ITGB3BP: variants seen among roughly 807,000 people sequenced by gnomAD.
The protein encoded by ITGB3BP is centromere protein R.
In ITGB3BP, 27 loss-of-function variants were observed where a neutral mutation model predicts 29.1. The ratio of observed to expected loss-of-function variants is 0.93; its 90% CI spans 0.68 to 1.28. The LOEUF is 1.28. ITGB3BP is among the 50% of genes most tolerant of loss of function. The pLI is 0.00. For synonymous variants in ITGB3BP, 61 were observed against 61.4 expected, an observed-to-expected ratio of 0.99 and a Z score of 0.03; for missense variants, 192 against 200.2, an observed-to-expected ratio of 0.96 and a Z score of 0.25.
At chr1:63,514,757 T>G (rs111962301) in intron 1 of ITGB3BP, among the ~76,000 whole-genome samples, 2,738 of 152,016 alleles carry the variant, frequency 0.018, 76 homozygotes, top group African/African-American at 0.063. Context: ...ACCATCCTGG[T>G]CAACATGGTA....
At chr1:63,470,350 T>C (rs937798799) in intron 4 of ITGB3BP, among the ~76,000 whole-genome samples, 1 of 152,142 alleles carries the variant, frequency 6.6e-6, no homozygotes, top group African/African-American at 2.4e-5. Flanking sequence ...AGTATAGAAA[T>C]AAAAGAAGAG....
intron 4 of ITGB3BP, among the ~76,000 whole-genome samples, chr1:63,464,756 T>C (rs762540154): frequency 1.3e-5 from 2 of 152,178 alleles, no homozygotes; most frequent in Non-Finnish European, 2.9e-5. Context: ...AATTCATCAA[T>C]AATAGGACAA....
rs192683496 is a variant in ITGB3BP at position 63,508,457 on chromosome 1, C to T, written c.48+71G>A. ...TTATCAAGATAATTTTAATATTTAA[C>T]GAGATAAATCAGTAGTTAAAAACTG... On this transcript the variant is annotated intron_variant, in intron 2 of 8. Transcript: ENST00000271002. 56 of 675,704 alleles carry T rather than the reference C, an allele frequency of 8.3e-5. 1 individual carries two copies. Among genetic ancestry groups the T allele is most frequent in the Middle Eastern group, 4.9e-4 (2 of 4,072 alleles). 41.9% of individuals were successfully genotyped at this position (675,704 alleles called of 1,614,324 possible). A position where few individuals can be genotyped will look rare whatever the true frequency, so the allele number is the denominator to read the frequency against.
intron 2 of ITGB3BP, among the ~76,000 whole-genome samples, chr1:63,528,865 T>G (rs1646643941): frequency 6.6e-6 from 1 of 152,186 alleles, no homozygotes. Context: ...TCCTTGATTC[T>G]TTGAACATTG....
chr1:63,490,284 AC>A, intron 2 of ITGB3BP, 66 bp from the exon 3 acceptor site: 1 of 1,183,718 alleles, frequency 8.4e-7, no homozygotes, highest in Non-Finnish European at 1.2e-6. Context: ...GAAATTATAT[AC>A]CATTAAAAAA....
chr1:63,446,938 G>A lies in ITGB3BP; in HGVS notation c.485-82C>T, dbSNP rs953716576. The stretch of plus-strand genomic sequence containing the variant: ...CAGTATATGATGCAGAATAAATGTT[G>A]AAGCAAAATGAAATTAAAACAACCT... On this transcript the variant is annotated intron_variant, in intron 7 of 8. Transcript: ENST00000271002. 6.1e-6 allele frequency: 6 copies of A among 989,112 alleles called. No individual in the cohort carries two copies. In the African/African-American group the frequency reaches 6.6e-5, roughly 11 times the overall value. 61.3% of individuals were successfully genotyped at this position (989,112 alleles called of 1,614,324 possible). A position where few individuals can be genotyped will look rare whatever the true frequency, so the allele number is the denominator to read the frequency against.
intron 1 of ITGB3BP, chr1:63,510,162 C>G (rs2100781414): frequency 1.8e-6 from 1 of 546,314 alleles, no homozygotes; most frequent in Admixed American, 2.9e-5. Context: ...TGCACTCTAG[C>G]CTGGGCAACG....
intron 1 of ITGB3BP, among the ~76,000 whole-genome samples, chr1:63,518,241 T>C (rs11208234): frequency 0.34 from 51,473 of 152,090 alleles, 8,950 homozygotes; most frequent in East Asian, 0.48. Context: ...TCTGTACAAT[T>C]AACCAATGAA....
At chr1:63,496,895 C>G (rs1645800701) in intron 2 of ITGB3BP, among the ~76,000 whole-genome samples, 1 of 152,176 alleles carries the variant, frequency 6.6e-6, no homozygotes. Flanking sequence ...TAGAGAGGAA[C>G]AAGGTTAGAT....
rs116477579 is a variant in ITGB3BP at position 63,521,792 on chromosome 1, A to G, written c.5+1337T>C. Among the ~76,000 whole-genome samples the G allele has an allele frequency of 4.9e-3, 748 of 152,298 alleles. 8 individuals are homozygous for G. Among genetic ancestry groups the G allele is most frequent in the African/African-American group, 0.017 (707 of 41,560 alleles). ...GCCAGACTCTGCCTCAAAAAAAGAA[A>G]AAAAAAGTTCCACTTTTCATAGTTT... On this transcript the variant is annotated intron_variant, in intron 1 of 8. Coordinates refer to ENST00000271002, the MANE Select transcript of ITGB3BP (RefSeq NM_014288.5).
At chr1:63,484,552 T>C (rs1408391991) in intron 3 of ITGB3BP, among the ~76,000 whole-genome samples, 1 of 152,176 alleles carries the variant, frequency 6.6e-6, no homozygotes, top group African/African-American at 2.4e-5. Flanking sequence ...GTTAAAATTT[T>C]TGGAGGGCTG....
At chr1:63,514,463 T>C (rs1646266806) in intron 1 of ITGB3BP, among the ~76,000 whole-genome samples, 1 of 152,194 alleles carries the variant, frequency 6.6e-6, no homozygotes, top group Non-Finnish European at 1.5e-5. Context: ...TGCCAAAATG[T>C]CTAGCAACAT....
chr1:63,501,449 G>C (rs950817236), intron 2 of ITGB3BP, among the ~76,000 whole-genome samples: 1 of 152,158 alleles, frequency 6.6e-6, no homozygotes, highest in East Asian at 1.9e-4. Flanking sequence ...GGTTTCCAGG[G>C]GGAGGGGGAG....
upstream of ITGB3BP, chr1:63,525,518 T>C (rs189267421): frequency 1.9e-5 from 25 of 1,342,058 alleles, no homozygotes; most frequent in Admixed American, 2.0e-4. Flanking sequence ...ATGGTGACAT[T>C]TGTGTTTTAG....
chr1:63,484,047 C>T (rs918048213), intron 3 of ITGB3BP, among the ~76,000 whole-genome samples: 1 of 152,036 alleles, frequency 6.6e-6, no homozygotes, highest in Non-Finnish European at 1.5e-5. Context: ...ACAGTTGGCC[C>T]TCTGTATTAG....
intron 3 of ITGB3BP, among the ~76,000 whole-genome samples, chr1:63,487,988 T>C (rs938321519): frequency 3.3e-5 from 5 of 152,286 alleles, no homozygotes; most frequent in African/African-American, 1.2e-4. Flanking sequence ...AATGTTATTA[T>C]GTGCTGCATG....
At chr1:63,523,030 G>T in intron 1 of ITGB3BP, 99 bp downstream of exon 1, 1 of 1,462,836 alleles carries the variant, frequency 6.8e-7, no homozygotes, top group Non-Finnish European at 9.6e-7. Flanking sequence ...TTCATACTCC[G>T]AAAAAATAGG....
intron 2 of ITGB3BP, among the ~76,000 whole-genome samples, chr1:63,507,165 T>C (rs933159709): frequency 6.6e-6 from 1 of 152,210 alleles, no homozygotes; most frequent in Non-Finnish European, 1.5e-5. Context: ...CCCAAGCTAG[T>C]ATGCTAGGAA....
chr1:63,524,773 A>G (rs1034545400), upstream of ITGB3BP, among the ~76,000 whole-genome samples: 3 of 152,130 alleles, frequency 2.0e-5, no homozygotes, highest in East Asian at 1.9e-4. Context: ...GCTGGGTGAC[A>G]TTGCTACCCC....
Sources: allele counts gnomAD v4.1 joint callset (sites outside exome capture counted in the v4.1 genomes callset), GRCh38; gene constraint gnomAD v4.1.1; transcripts MANE v1.5; gene names NCBI Gene and HGNC (gene_info 2026-07-23, HGNC 2026-07-21).